CA5A: variants seen among roughly 807,000 people sequenced by gnomAD.
CA5A encodes carbonic anhydrase 5A.
In CA5A, 28 loss-of-function variants were observed where a neutral mutation model predicts 37.1. That is an observed-to-expected ratio of 0.75 (90% confidence interval 0.56 to 1.03). The LOEUF (loss-of-function observed/expected upper bound fraction) is 1.03, where lower values mean the gene tolerates loss of function less well. CA5A is among the 50% of genes least tolerant of loss of function. The pLI, the probability that CA5A is intolerant of heterozygous loss-of-function variation, is 0.00. For missense variants in CA5A, 444 were observed against 399.9 expected (o/e 1.11, Z -0.94); for synonymous variants, 171 against 158.4 (o/e 1.08, Z -0.60).
intron 2 of CA5A, among the ~76,000 whole-genome samples, chr16:87,916,116 A>G (rs972866948): frequency 6.7e-5 from 10 of 149,502 alleles, no homozygotes; most frequent in South Asian, 2.1e-4. Flanking sequence ...TGCAGTGAGC[A>G]GAGATCGCGC....
At chr16:87,891,987 C>T in intron 5 of CA5A, 33 bp from the exon 6 acceptor site, 1 of 1,497,160 alleles carries the variant, frequency 6.7e-7, no homozygotes, top group Non-Finnish European at 8.9e-7. Flanking sequence ...ACGTGTCAGT[C>T]CTCAGGGGAG....
intron 2 of CA5A, among the ~76,000 whole-genome samples, chr16:87,910,871 T>A (rs1268635477): frequency 6.6e-6 from 1 of 152,078 alleles, no homozygotes; most frequent in Admixed American, 6.6e-5. Context: ...CACCTGTGCT[T>A]CCCGAGTAGC....
chr16:87,903,530 AAGGAAGCACAC>A (rs1351017819), intron 3 of CA5A, among the ~76,000 whole-genome samples: 1 of 150,624 alleles, frequency 6.6e-6, no homozygotes, highest in Admixed American at 6.6e-5. Context: ...TGTTAAATGA[AAGGAAGCACAC>A]AGAAGCCATT....
intron 2 of CA5A, chr16:87,925,441 G>A (rs993230975): frequency 1.3e-5 from 2 of 152,236 alleles, no homozygotes; most frequent in African/African-American, 2.4e-5. Flanking sequence ...CTGTACCAGA[G>A]GAGCTCACTA....
At chr16:87,894,946 TC>T (rs1175946154) in intron 5 of CA5A, among the ~76,000 whole-genome samples, 1 of 151,998 alleles carries the variant, frequency 6.6e-6, no homozygotes, top group Non-Finnish European at 1.5e-5. Flanking sequence ...CATGCAACTC[TC>T]CCATCTAAAG....
At chr16:87,931,758 G>T (rs546219214) in intron 1 of CA5A, among the ~76,000 whole-genome samples, 1 of 152,184 alleles carries the variant, frequency 6.6e-6, no homozygotes, top group Non-Finnish European at 1.5e-5. Context: ...CTAAGCCGGC[G>T]CTGGGAAACA....
At chr16:87,896,790 G>A (rs749108235) in intron 5 of CA5A, among the ~76,000 whole-genome samples, 18 of 152,172 alleles carry the variant, frequency 1.2e-4, no homozygotes, top group Non-Finnish European at 2.4e-4. Context: ...ACACGCATGC[G>A]CCATCACGCC....
At chr16:87,914,993 T>C (rs2056113889) in intron 2 of CA5A, among the ~76,000 whole-genome samples, 2 of 152,104 alleles carry the variant, frequency 1.3e-5, no homozygotes, top group African/African-American at 4.8e-5. Flanking sequence ...GGGTGAGGGG[T>C]GTGAGCGATG....
chr16:87,896,822 T>C (rs1474702426), intron 5 of CA5A, among the ~76,000 whole-genome samples: 2 of 152,214 alleles, frequency 1.3e-5, no homozygotes, highest in Non-Finnish European at 2.9e-5. Context: ...CTGTTTTTAA[T>C]AGAGATGGGG....
chr16:87,922,499 A>G (rs2056244560), intron 2 of CA5A, among the ~76,000 whole-genome samples: 1 of 152,264 alleles, frequency 6.6e-6, no homozygotes, highest in African/African-American at 2.4e-5. Flanking sequence ...TGAGCTGAAC[A>G]GAAAATGACA....
intron 2 of CA5A, chr16:87,923,891 C>A: frequency 2.0e-6 from 2 of 984,792 alleles, no homozygotes; most frequent in Non-Finnish European, 2.4e-6. Flanking sequence ...CAAATATTAA[C>A]CCAAACAATT....
Position 87,911,355 on chromosome 16 carries a change from G to A in CA5A, c.341-6451C>T, listed in dbSNP as rs868420857. Among the ~76,000 whole-genome samples the A allele has an allele frequency of 7.9e-5, 12 of 152,146 alleles. No homozygotes were observed. Among genetic ancestry groups the A allele is most frequent in the African/African-American group, 1.4e-4 (6 of 41,424 alleles). ...TTTGGGGCCGGCTCCAGGCTGTGACGTGCTGGCCCCAGAGAATATTGTCTC... is the reference window on the plus strand; with the variant it reads ...TTTGGGGCCGGCTCCAGGCTGTGACATGCTGGCCCCAGAGAATATTGTCTC... On this transcript the variant is annotated intron_variant, in intron 2 of 6. Coordinates refer to ENST00000649794, the MANE Select transcript of CA5A (RefSeq NM_001739.2). This position sits in a 1 kb window ranked among gnomAD's most constrained non-coding sequence, Gnocchi z 4.6.
chr16:87,899,919 CAAAAAAAAAAAAAAAAAAAA>C lies in CA5A; in HGVS notation c.618+1973_618+1992del, dbSNP rs565557401. Among the ~76,000 whole-genome samples, 5 of 46,534 alleles carry C rather than the reference CAAAAAAAAAAAAAAAAAAAA, an allele frequency of 1.1e-4. 1 individual carries two copies. Among genetic ancestry groups the C allele is most frequent in the African/African-American group, 2.4e-4 (3 of 12,274 alleles). 30.5% of individuals were successfully genotyped at this position (46,534 alleles called of 152,430 possible). On this transcript the variant is annotated intron_variant, in intron 5 of 6. Coordinates refer to ENST00000649794, the MANE Select transcript of CA5A (RefSeq NM_001739.2). ...TGGGCAACAGAGCGAGATTTTATCT[CAAAAAAAAAAAAAAAAAAAA>C]AAAAAAAAAAAAAGAGTCTAACTCT...
In CA5A at chr16:87,902,982, G is replaced by C. The variant is rs144583748; in HGVS notation, c.460-462C>G. Among the ~76,000 whole-genome samples, 3 of 152,016 alleles carry C rather than the reference G, an allele frequency of 2.0e-5. No individual in the cohort carries two copies. In the East Asian group the frequency reaches 5.8e-4, roughly 29 times the overall value. On this transcript the variant is annotated intron_variant, in intron 3 of 6. Transcript: ENST00000649794. ...AGATCCCAGCACCAGCAGCACCTCTGAGCTCCCAGGCCCTTGACGAAGCCA... is the reference window on the plus strand; with the variant it reads ...AGATCCCAGCACCAGCAGCACCTCTCAGCTCCCAGGCCCTTGACGAAGCCA...
chr16:87,924,904 G>A (rs147127205), intron 2 of CA5A, among the ~76,000 whole-genome samples: 5 of 152,198 alleles, frequency 3.3e-5, no homozygotes, highest in Non-Finnish European at 5.9e-5. Flanking sequence ...GGGTGGCCTC[G>A]ATTCTCTCCC....
intron 5 of CA5A, chr16:87,892,984 A>G (rs890636769): frequency 3.8e-5 from 44 of 1,161,386 alleles, no homozygotes; most frequent in Non-Finnish European, 5.3e-5. Flanking sequence ...ATGGTGGCCA[A>G]GAAGGATGTC....
At chr16:87,924,132 C>A in intron 2 of CA5A, 5 of 985,420 alleles carry the variant, frequency 5.1e-6, no homozygotes, top group Non-Finnish European at 6.0e-6. Context: ...CTCCCAAGAT[C>A]TGGTTGTCCC....
At chr16:87,930,639 C>G (rs1192501842) in intron 1 of CA5A, among the ~76,000 whole-genome samples, 2 of 151,988 alleles carry the variant, frequency 1.3e-5, no homozygotes, top group Non-Finnish European at 2.9e-5. Flanking sequence ...GCGGTGGGGA[C>G]TGCGGCGTGG....
At chr16:87,890,838 A>C (rs1473680712) in intron 6 of CA5A, among the ~76,000 whole-genome samples, 1 of 152,006 alleles carries the variant, frequency 6.6e-6, no homozygotes, top group African/African-American at 2.4e-5. Flanking sequence ...CTTGTTGTCC[A>C]GGCTGGAGTG....
Sources: gnomAD v4.1 joint callset for allele counts (sites outside exome capture counted in the v4.1 genomes callset) on GRCh38, gnomAD v4.1.1 for gene constraint, Gnocchi (gnomAD v3.1) non-coding constraint, MANE v1.5 for transcripts, NCBI Gene and HGNC (gene_info 2026-07-23, HGNC 2026-07-21) for gene names.